Variants in SEMA3D observed in about 807,000 individuals in gnomAD.
SEMA3D encodes semaphorin-3D.
In SEMA3D, 84 loss-of-function variants were observed where a neutral mutation model predicts 100.1. That is an observed-to-expected ratio of 0.84 (90% CI 0.70 to 1.01). The LOEUF is 1.01. Ranked by LOEUF, SEMA3D falls within the 50% of genes least tolerant of loss-of-function variation. The pLI, the probability that SEMA3D is intolerant of heterozygous loss-of-function variation, is 0.00. For synonymous variants in SEMA3D, 312 were observed against 320.7 expected (o/e 0.97, Z 0.29); for missense variants, 875 against 934.1 (o/e 0.94, Z 0.82).
At chr7:85,057,061 A>G (rs952164594) in intron 8 of SEMA3D, among the ~76,000 whole-genome samples, 4 of 151,916 alleles carry the variant, frequency 2.6e-5, no homozygotes, top group African/African-American at 9.7e-5. Context: ...ACATCCATGT[A>G]CTTGTAAAAA....
intron 3 of SEMA3D, among the ~76,000 whole-genome samples, chr7:85,113,026 T>C (rs980577233): frequency 1.3e-5 from 2 of 152,146 alleles, no homozygotes; most frequent in Non-Finnish European, 2.9e-5. Context: ...CAAATAACAT[T>C]ACAGACACCA....
At chr7:85,012,362 A>G (rs1789978513) in intron 17 of SEMA3D, among the ~76,000 whole-genome samples, 1 of 151,794 alleles carries the variant, frequency 6.6e-6, no homozygotes, top group Non-Finnish European at 1.5e-5. Flanking sequence ...GAATATAAAT[A>G]AAGTATAGAC....
At chr7:85,023,976 T>C (rs1304541055) in intron 12 of SEMA3D, among the ~76,000 whole-genome samples, 1 of 151,970 alleles carries the variant, frequency 6.6e-6, no homozygotes, top group Non-Finnish European at 1.5e-5. Context: ...CCAGAGAGAT[T>C]AGAAACGTCC....
Position 84,999,661 on chromosome 7 carries a change from G to T in SEMA3D, c.2113C>A (p.Leu705Ile). The T allele has an allele frequency of 1.9e-6, 3 of 1,614,028 alleles. No individual in the cohort carries two copies. Among genetic ancestry groups the T allele is most frequent in the Non-Finnish European group, 1.7e-6 (2 of 1,179,980 alleles). The change falls in exon 19 of 19, where the codon CTA (leucine) becomes ATA (isoleucine). Residue 705 changes from leucine to isoleucine, a missense_variant. Transcript: ENST00000284136. The stretch of plus-strand genomic sequence containing the variant: ...TATCTCAACCGTGACTCAGCCAATA[G>T]ATCCTTGACCTTCCCCTCCTCATGC... The part of the protein sequence containing the change: ...AEHEEGKVKD[L>I]LAESRLRYKD...
chr7:85,037,035 T>A lies in SEMA3D; in HGVS notation c.1047-2A>T. ...ACAGCAGAGCCTTTGAAGATGGAGC[T>A]GGAAAAAAAAAGCATCATCATTCAA... On this transcript the variant is annotated splice_acceptor_variant, in intron 11 of 18. Coordinates refer to ENST00000284136, the MANE Select transcript of SEMA3D (RefSeq NM_001384900.1). LOFTEE classifies it high-confidence loss of function. 1 of 1,601,328 alleles carries A rather than the reference T, an allele frequency of 6.2e-7. No homozygotes were observed. Among genetic ancestry groups the A allele is most frequent in the Admixed American group, 1.8e-5 (1 of 56,760 alleles).
chr7:85,052,393 T>G (rs888415302), intron 9 of SEMA3D, among the ~76,000 whole-genome samples: 1 of 151,876 alleles, frequency 6.6e-6, no homozygotes, highest in South Asian at 2.1e-4. Context: ...AAGTCATTGC[T>G]CCCCAGACAC....
the SEMA3D span, among the ~76,000 whole-genome samples, chr7:85,230,140 C>T: frequency 6.6e-6 from 1 of 152,154 alleles, no homozygotes; most frequent in Non-Finnish European, 1.5e-5. Context: ...CTCCTTTTCA[C>T]ATTGTTCACT....
the SEMA3D span, among the ~76,000 whole-genome samples, chr7:85,238,298 A>AT: frequency 6.6e-6 from 1 of 151,780 alleles, no homozygotes; most frequent in Non-Finnish European, 1.5e-5. Context: ...TGTCACCTAT[A>AT]TTTTTTCCCA....
At chr7:85,033,228 G>A (rs556623312) in intron 12 of SEMA3D, among the ~76,000 whole-genome samples, 53 of 151,978 alleles carry the variant, frequency 3.5e-4, no homozygotes, top group Non-Finnish European at 7.2e-4. Flanking sequence ...CTGAGTAGTC[G>A]GCAGAAGAGA....
the SEMA3D span, among the ~76,000 whole-genome samples, chr7:85,208,763 G>A: frequency 3.9e-5 from 6 of 152,152 alleles, no homozygotes; most frequent in African/African-American, 1.4e-4. Context: ...CAGTAGGTAA[G>A]TTAAGGCAGG....
intron 2 of SEMA3D, chr7:85,140,274 CT>C: frequency 1.0e-6 from 1 of 962,382 alleles, no homozygotes; most frequent in Non-Finnish European, 1.2e-6. Context: ...TGCATTTTCT[CT>C]TTTCCTCAAA....
At chr7:85,144,012 G>C (rs1040576648) in intron 2 of SEMA3D, among the ~76,000 whole-genome samples, 4 of 151,832 alleles carry the variant, frequency 2.6e-5, no homozygotes, top group Admixed American at 6.6e-5. Context: ...AGCCTGGCCC[G>C]AGACTTGTAA....
chr7:85,234,361 G>A, the SEMA3D span, among the ~76,000 whole-genome samples: 2 of 152,218 alleles, frequency 1.3e-5, no homozygotes, highest in African/African-American at 2.4e-5. Context: ...AACTTCCTGA[G>A]AGAAACTAAA....
intron 1 of SEMA3D, among the ~76,000 whole-genome samples, chr7:85,173,899 T>C (rs980923273): frequency 3.9e-4 from 60 of 152,254 alleles, no homozygotes; most frequent in African/African-American, 1.3e-3. Flanking sequence ...TTCATTTCCA[T>C]ATTTTAAAGC....
chr7:85,124,948 A>G (rs1789523046), intron 2 of SEMA3D, among the ~76,000 whole-genome samples: 1 of 152,118 alleles, frequency 6.6e-6, no homozygotes, highest in Non-Finnish European at 1.5e-5. Context: ...TGCTTCTCCA[A>G]TCGCATTATC....
chr7:85,013,783 G>T (rs925778631), intron 16 of SEMA3D, among the ~76,000 whole-genome samples: 1 of 151,652 alleles, frequency 6.6e-6, no homozygotes, highest in Non-Finnish European at 1.5e-5. Context: ...ATACAGTCTT[G>T]GGAAATACAA....
the SEMA3D span, among the ~76,000 whole-genome samples, chr7:85,239,182 T>C: frequency 6.6e-6 from 1 of 152,178 alleles, no homozygotes; most frequent in Non-Finnish European, 1.5e-5. Flanking sequence ...TAGTATGTGT[T>C]ACGGTTTAAA....
At chr7:85,150,092 G>A (rs745467670) in intron 2 of SEMA3D, among the ~76,000 whole-genome samples, 1 of 151,812 alleles carries the variant, frequency 6.6e-6, no homozygotes, top group African/African-American at 2.4e-5. Context: ...CAACACATAC[G>A]CACTCACCAT....
At chr7:85,016,781 C>A (rs1790115610) in intron 15 of SEMA3D, among the ~76,000 whole-genome samples, 1 of 143,458 alleles carries the variant, frequency 7.0e-6, no homozygotes. Context: ...TTTTCCTTTT[C>A]AATGGCTTTT....
Sources: allele counts gnomAD v4.1 joint callset (sites outside exome capture counted in the v4.1 genomes callset), GRCh38; gene constraint gnomAD v4.1.1; transcripts MANE v1.5; gene names NCBI Gene and HGNC (gene_info 2026-07-23, HGNC 2026-07-21).